ADGRG2: variants seen among roughly 807,000 people sequenced by gnomAD.
The protein encoded by ADGRG2 is adhesion G protein-coupled receptor G2, also known as G protein-coupled receptor 64.
ADGRG2 carries 26 observed loss-of-function variants against 74.1 expected under a neutral mutation model. The observed-to-expected ratio is 0.35, with a 90% CI of 0.26 to 0.49. The LOEUF is 0.49. Ranked by LOEUF, ADGRG2 falls within the 20% of genes least tolerant of loss-of-function variation. The pLI is 0.99. For missense variants in ADGRG2, 619 were observed against 763.1 expected, an observed-to-expected ratio of 0.81 and a Z score of 2.22; for synonymous variants, 296 against 295.2, an observed-to-expected ratio of 1.00 and a Z score of -0.03.
chrX:19,089,250 G>A (rs1239285752), intron 1 of ADGRG2, among the ~76,000 whole-genome samples: 1 of 111,109 alleles, frequency 9.0e-6, no homozygotes, highest in African/African-American at 3.3e-5. Context: ...CCTCCCTTTT[G>A]TGGCTGATTG....
At chrX:19,016,016 G>A (rs1309823095) in intron 15 of ADGRG2, among the ~76,000 whole-genome samples, 2 of 112,175 alleles carry the variant, frequency 1.8e-5, no homozygotes, top group South Asian at 3.7e-4. Context: ...ACAGGGAAGC[G>A]GCAGAGCAGT....
chrX:19,008,845 T>C (rs1425669877), intron 18 of ADGRG2, among the ~76,000 whole-genome samples: 6 of 111,407 alleles, frequency 5.4e-5, no homozygotes, highest in African/African-American at 2.0e-4. Flanking sequence ...CATAGAACCA[T>C]GTGCAGTACA....
intron 1 of ADGRG2, among the ~76,000 whole-genome samples, chrX:19,108,826 A>G (rs1231518403): frequency 8.9e-6 from 1 of 111,766 alleles, no homozygotes; most frequent in Non-Finnish European, 1.9e-5. Context: ...GGTGACAGGG[A>G]TATGCACAGT....
intron 28 of ADGRG2, 114 bp downstream of exon 28, chrX:18,994,781 AG>A: frequency 2.3e-6 from 1 of 441,811 alleles, no homozygotes; most frequent in Non-Finnish European, 3.7e-6. Context: ...TTGATCCACT[AG>A]TCATATATGT....
intron 1 of ADGRG2, among the ~76,000 whole-genome samples, chrX:19,112,063 AATTATT>A (rs746582476): frequency 9.2e-6 from 1 of 108,440 alleles, no homozygotes; most frequent in Non-Finnish European, 1.9e-5. Context: ...ATCTAAAGGG[AATTATT>A]ATTATTATTA....
intron 16 of ADGRG2, 58 bp from the exon 17 acceptor site, chrX:19,010,836 A>G (rs1361035560): frequency 5.7e-6 from 5 of 870,888 alleles, no homozygotes; most frequent in Non-Finnish European, 6.5e-6. Context: ...ACTAATAAAG[A>G]TAAACGTACA....
intron 9 of ADGRG2, among the ~76,000 whole-genome samples, chrX:19,029,825 G>A (rs779371309): frequency 9.0e-6 from 1 of 110,670 alleles, no homozygotes; most frequent in Non-Finnish European, 1.9e-5. Flanking sequence ...TGGGGAATTC[G>A]GTGAACGGAA....
chrX:19,018,182 T>C (rs957169041), intron 15 of ADGRG2, among the ~76,000 whole-genome samples: 117 of 111,838 alleles, frequency 1.0e-3, no homozygotes, highest in African/African-American at 3.7e-3. Context: ...TGGAGTGCAG[T>C]GGCATGAACA....
intron 26 of ADGRG2, among the ~76,000 whole-genome samples, chrX:18,996,976 A>T (rs370667088): frequency 8.9e-6 from 1 of 111,908 alleles, no homozygotes; most frequent in East Asian, 2.8e-4. Context: ...TAATCTCAGC[A>T]CTTTAGGAGG....
chrX:19,101,173 C>T (rs2062183265), intron 1 of ADGRG2, among the ~76,000 whole-genome samples: 1 of 106,380 alleles, frequency 9.4e-6, no homozygotes, highest in Admixed American at 1.0e-4. Flanking sequence ...ACCCTGGCAA[C>T]TGTGAGTTCA....
At chrX:19,015,582 G>C (rs1323346540) in intron 15 of ADGRG2, among the ~76,000 whole-genome samples, 1 of 112,441 alleles carries the variant, frequency 8.9e-6, no homozygotes, top group Non-Finnish European at 1.9e-5. Flanking sequence ...AGCCAGGCGT[G>C]GTGGCGGGTG....
chrX:18,994,755 G>T, intron 28 of ADGRG2, 141 bp downstream of exon 28: 1 of 361,360 alleles, frequency 2.8e-6, no homozygotes. Context: ...TTTCTCTTCT[G>T]TAAGGGAACC....
At position 19,020,524 on chromosome X, in the gene ADGRG2, T is replaced by C. The variant is rs150516505; in HGVS notation, c.643+580A>G. On this transcript the variant is annotated intron_variant, in intron 14 of 28. Transcript: ENST00000379869. ...CATGTAGGGCTTAAAACCTAGATGA[T>C]GGGTTGATAGGTGCAGCAAACCACC... Among the ~76,000 whole-genome samples, 727 of 111,727 alleles carry C rather than the reference T, an allele frequency of 6.5e-3. 10 individuals carry two copies. The highest frequency in any genetic ancestry group is 0.023 in the African/African-American group (701 of 30,738).
At position 19,021,439 on chromosome X, in the gene ADGRG2, C is replaced by G. The variant is rs754995094; in HGVS notation, c.549-241G>C. The G allele has an allele frequency of 2.9e-5, 12 of 412,664 alleles. No individual in the cohort carries two copies. The East Asian group carries it at 6.1e-4, about 21-fold the overall frequency. 34.0% of individuals were successfully genotyped at this position (412,664 alleles called of 1,213,427 possible). On this transcript the variant is annotated intron_variant, in intron 13 of 28. Coordinates refer to ENST00000379869, the MANE Select transcript of ADGRG2 (RefSeq NM_001079858.3). ...ACAGAGGTTGCAAACCAGAGACTCT[C>G]TGACCACACATAGGTGCTGGCTCAT...
chrX:19,102,140 G>A (rs921002141), intron 1 of ADGRG2, among the ~76,000 whole-genome samples: 1 of 101,583 alleles, frequency 9.8e-6, no homozygotes, highest in Non-Finnish European at 2.0e-5. Flanking sequence ...GGAGGCCAAG[G>A]CAGGCAGATC....
At chrX:19,065,848 GATTTT>G (rs2061560450) in intron 3 of ADGRG2, among the ~76,000 whole-genome samples, 1 of 111,640 alleles carries the variant, frequency 9.0e-6, no homozygotes, top group Non-Finnish European at 1.9e-5. Context: ...GAATAGTTTA[GATTTT>G]ATTTTATTTT....
chrX:19,037,317 C>G (rs1726099920), intron 6 of ADGRG2, 150 bp downstream of exon 6: 1 of 443,270 alleles, frequency 2.3e-6, no homozygotes, highest in South Asian at 4.4e-5. Flanking sequence ...TTAGGTCACT[C>G]TCCAGGGTTG....
chrX:19,051,144 G>A (rs1045805601), intron 3 of ADGRG2, among the ~76,000 whole-genome samples: 3 of 111,713 alleles, frequency 2.7e-5, no homozygotes, highest in South Asian at 3.7e-4. Flanking sequence ...GCGCGATCTC[G>A]GCTCACTGCA....
chrX:19,043,740 T>A (rs1391446437), intron 3 of ADGRG2, among the ~76,000 whole-genome samples: 1 of 98,874 alleles, frequency 1.0e-5, no homozygotes, highest in Non-Finnish European at 2.1e-5. Flanking sequence ...GGAGTCTCTT[T>A]CCCTACATCC....
Sources: gnomAD v4.1 joint callset for allele counts (sites outside exome capture counted in the v4.1 genomes callset) on GRCh38, gnomAD v4.1.1 for gene constraint, MANE v1.5 for transcripts, NCBI Gene and HGNC (gene_info 2026-07-23, HGNC 2026-07-21) for gene names.